Variants in FHIT observed in about 807,000 individuals in gnomAD.
FHIT encodes fragile histidine triad diadenosine triphosphatase, also known as bis(5'-adenosyl)-triphosphatase.
A neutral mutation model predicts 17.9 loss-of-function variants in FHIT; 19 were observed. The observed-to-expected ratio is 1.06, with a 90% CI of 0.74 to 1.56. FHIT has a LOEUF of 1.56. Ranked by LOEUF, FHIT falls within the 40% of genes most tolerant of loss-of-function variation. FHIT has a pLI of 0.00. For synonymous variants in FHIT, 81 were observed against 69.7 expected, an observed-to-expected ratio of 1.16 and a Z score of -0.81; for missense variants, 248 against 189.2, an observed-to-expected ratio of 1.31 and a Z score of -1.82.
At position 60,774,329 on chromosome 3, in the gene FHIT, C is replaced by T. The variant is rs552975800; in HGVS notation, c.-18+47590G>A. ...AATTTATTCTTTTTGAGATGGAGTTCCATTCTTGTTGCCCAGGCTGGGGTG... is the reference window on the plus strand; with the variant it reads ...AATTTATTCTTTTTGAGATGGAGTTTCATTCTTGTTGCCCAGGCTGGGGTG... On this transcript the variant is annotated intron_variant, in intron 4 of 9. Coordinates refer to ENST00000492590, the MANE Select transcript of FHIT (RefSeq NM_002012.4). Among the ~76,000 whole-genome samples, 2 of 152,152 alleles carry T rather than the reference C, an allele frequency of 1.3e-5. 1 individual carries two copies. Among genetic ancestry groups the T allele is most frequent in the South Asian group, 4.2e-4 (2 of 4,810 alleles).
chr3:60,519,208 C>T (rs984615549), intron 5 of FHIT, among the ~76,000 whole-genome samples: 2 of 151,994 alleles, frequency 1.3e-5, no homozygotes, highest in Non-Finnish European at 2.9e-5. Flanking sequence ...GTACAGTGGG[C>T]AGATATTCTT....
Position 60,420,467 on chromosome 3 carries a change from A to AT in FHIT, c.103+116392dup, listed in dbSNP as rs571655068. 3.6e-4 allele frequency among the ~76,000 whole-genome samples: 55 copies of AT among 152,018 alleles called. No homozygotes were observed. In the East Asian group the frequency reaches 4.6e-3, roughly 13 times the overall value. The stretch of plus-strand genomic sequence containing the variant: ...GATTACTGTGTTAAAGGCTATGTGT[A>AT]TTTTTTTTATTTAAAATGATACAGC... On this transcript the variant is annotated intron_variant, in intron 5 of 9. Transcript: ENST00000492590.
At chr3:60,509,938 A>C (rs913480315) in intron 5 of FHIT, among the ~76,000 whole-genome samples, 1 of 152,192 alleles carries the variant, frequency 6.6e-6, no homozygotes, top group Non-Finnish European at 1.5e-5. Context: ...CTTTGCCAAC[A>C]TTATCATTCA....
chr3:61,218,207 C>G (rs2039739673), intron 1 of FHIT, among the ~76,000 whole-genome samples: 1 of 152,058 alleles, frequency 6.6e-6, no homozygotes. Flanking sequence ...AGGACTGATC[C>G]GTGAGCAAGT....
Position 60,142,989 on chromosome 3 carries a change from C to T in FHIT, c.104-128837G>A, listed in dbSNP as rs538598371. Among the ~76,000 whole-genome samples the T allele has an allele frequency of 2.0e-5, 3 of 152,290 alleles. No homozygotes were observed. In the South Asian group the frequency reaches 6.2e-4, roughly 32 times the overall value. ...AAGGATAAGAATCACTTAGATATGGCTGCTCTAAGCAGCTACTAGTTTGTC... is the reference window on the plus strand; with the variant it reads ...AAGGATAAGAATCACTTAGATATGGTTGCTCTAAGCAGCTACTAGTTTGTC... On this transcript the variant is annotated intron_variant, in intron 5 of 9. Coordinates refer to ENST00000492590, the MANE Select transcript of FHIT (RefSeq NM_002012.4).
intron 3 of FHIT, among the ~76,000 whole-genome samples, chr3:60,929,618 T>C (rs1268710358): frequency 6.6e-6 from 1 of 152,030 alleles, no homozygotes; most frequent in Non-Finnish European, 1.5e-5. Flanking sequence ...CACAATTGCT[T>C]CAAAGAGAAT....
intron 7 of FHIT, among the ~76,000 whole-genome samples, chr3:59,999,761 C>T: frequency 6.6e-6 from 1 of 152,032 alleles, no homozygotes; most frequent in Non-Finnish European, 1.5e-5. Context: ...GGGTGTGCCA[C>T]CACACCTGGC....
At chr3:60,787,532 C>T (rs575800442) in intron 4 of FHIT, among the ~76,000 whole-genome samples, 33 of 152,312 alleles carry the variant, frequency 2.2e-4, no homozygotes, top group Middle Eastern at 3.4e-3. Flanking sequence ...TCCATGAAGG[C>T]AGTGTTCCTG....
rs201555469 is a variant in FHIT at position 60,955,597 on chromosome 3, C to CATATAT, written c.-111+86444_-111+86449dup. On this transcript the variant is annotated intron_variant, in intron 3 of 9. Coordinates refer to ENST00000492590, the MANE Select transcript of FHIT (RefSeq NM_002012.4). ...ATGTATCTGCTTAGGCATATATATA[C>CATATAT]ATATATATATATATATATATATATA... Among the ~76,000 whole-genome samples the CATATAT allele has an allele frequency of 3.5e-3, 269 of 77,570 alleles. 6 individuals are homozygous for CATATAT. Among genetic ancestry groups the CATATAT allele is most frequent in the African/African-American group, 0.015 (255 of 16,558 alleles). The allele number at this position is 77,570 out of a possible 152,430, so 50.9% of individuals were successfully genotyped here.
intron 5 of FHIT, among the ~76,000 whole-genome samples, chr3:60,235,662 G>T (rs1022546718): frequency 6.6e-6 from 1 of 152,162 alleles, no homozygotes. Context: ...ACAGTTACAT[G>T]ATCTCAATGG....
intron 3 of FHIT, among the ~76,000 whole-genome samples, chr3:60,906,351 T>G (rs1238906463): frequency 6.6e-6 from 1 of 152,214 alleles, no homozygotes; most frequent in Non-Finnish European, 1.5e-5. Context: ...AATCCTGTGA[T>G]GTTGAATTTG....
rs533034969 is a variant in FHIT, at chr3:60,722,010, C to T, written c.-18+99909G>A. Among the ~76,000 whole-genome samples the T allele has an allele frequency of 3.9e-5, 6 of 152,084 alleles. 1 individual carries two copies. Among genetic ancestry groups the T allele is most frequent in the African/African-American group, 1.4e-4 (6 of 41,454 alleles). On this transcript the variant is annotated intron_variant, in intron 4 of 9. Coordinates refer to ENST00000492590, the MANE Select transcript of FHIT (RefSeq NM_002012.4). ...CCAAAATTCACATTAGCTTCCACTT[C>T]AAAAGATATTATGAAAAGAGAAGGA...
intron 4 of FHIT, among the ~76,000 whole-genome samples, chr3:60,727,755 G>A (rs1446780434): frequency 6.6e-6 from 1 of 152,210 alleles, no homozygotes; most frequent in Non-Finnish European, 1.5e-5. Context: ...TGTGATCCCA[G>A]CACTTTCGGA....
chr3:60,701,891 A>T (rs2041256493), intron 4 of FHIT, among the ~76,000 whole-genome samples: 1 of 152,242 alleles, frequency 6.6e-6, no homozygotes, highest in Non-Finnish European at 1.5e-5. Flanking sequence ...AAGTTAGTTC[A>T]GCCTACACCC....
At chr3:60,042,956 T>C (rs944626846) in intron 5 of FHIT, among the ~76,000 whole-genome samples, 58 of 152,294 alleles carry the variant, frequency 3.8e-4, no homozygotes, top group African/African-American at 1.3e-3. Context: ...AAGTGTCTAC[T>C]GTGGCAAGGC....
chr3:59,986,530 T>TACACAC (rs1559523573), intron 7 of FHIT, among the ~76,000 whole-genome samples: 19 of 4,458 alleles, frequency 4.3e-3, no homozygotes, highest in Non-Finnish European at 9.1e-4. Context: ...TATATATATA[T>TACACAC]ATATATATAT....
At chr3:60,506,484 T>C (rs1236885114) in intron 5 of FHIT, among the ~76,000 whole-genome samples, 1 of 152,260 alleles carries the variant, frequency 6.6e-6, no homozygotes, top group Admixed American at 6.5e-5. Context: ...GTGTGTTTAC[T>C]ATCTATAGTA....
intron 3 of FHIT, among the ~76,000 whole-genome samples, chr3:60,924,265 G>A (rs1176481129): frequency 1.3e-5 from 2 of 152,174 alleles, no homozygotes; most frequent in Non-Finnish European, 2.9e-5. Context: ...GCCTCCTCAA[G>A]TGGGTCCCTG....
chr3:60,698,471 T>C (rs1407818814), intron 4 of FHIT, among the ~76,000 whole-genome samples: 2 of 152,100 alleles, frequency 1.3e-5, no homozygotes, highest in South Asian at 2.1e-4. Flanking sequence ...TGGAGAAAAA[T>C]TGCAAACCTC....
Sources: gnomAD v4.1 joint callset for allele counts (sites outside exome capture counted in the v4.1 genomes callset) on GRCh38, gnomAD v4.1.1 for gene constraint, MANE v1.5 for transcripts, NCBI Gene and HGNC (gene_info 2026-07-23, HGNC 2026-07-21) for gene names.